ANKRD31: variants seen among roughly 807,000 people sequenced by gnomAD.
ANKRD31 encodes the protein ankyrin repeat domain-containing protein 31.
ANKRD31 carries 147 observed loss-of-function variants against 186.0 expected under a neutral mutation model. That is an observed-to-expected ratio of 0.79 (90% confidence interval 0.69 to 0.91). The LOEUF (loss-of-function observed/expected upper bound fraction) is 0.91, where lower values mean the gene tolerates loss of function less well. Among genes scored for constraint, ANKRD31 ranks in the 40% least tolerant of loss-of-function variants. ANKRD31 has a pLI of 0.00. For missense variants in ANKRD31, 1,986 were observed against 2,148.8 expected, an observed-to-expected ratio of 0.92 and a Z score of 1.50; for synonymous variants, 673 against 736.4, an observed-to-expected ratio of 0.91 and a Z score of 1.39.
intron 11 of ANKRD31, among the ~76,000 whole-genome samples, chr5:75,167,472 T>C (rs1174325101): frequency 6.6e-6 from 1 of 152,232 alleles, no homozygotes; most frequent in Non-Finnish European, 1.5e-5. Context: ...GTTTCAACTT[T>C]TAATTTTCAT....
rs569424586 is a variant in ANKRD31, at chr5:75,105,205, A to G, written c.4354T>C (p.Ser1452Pro). The G allele has an allele frequency of 3.0e-5, 45 of 1,517,450 alleles. 1 individual carries two copies. In the African/African-American group the frequency reaches 3.6e-4, roughly 12 times the overall value. 94.0% of individuals were successfully genotyped at this position (1,517,450 alleles called of 1,614,324 possible). A position where few individuals can be genotyped will look rare whatever the true frequency, so the allele number is the denominator to read the frequency against. Residue 1452 changes from serine to proline, a missense_variant, in exon 22 of 26, where the codon TCA (serine) becomes CCA (proline). Transcript: ENST00000506364. ...TCTCTCAGGGCTCCATGCTTAAATGACTCTATGGATACCCTATAGGAAGAA... is the reference window on the plus strand; with the variant it reads ...TCTCTCAGGGCTCCATGCTTAAATGGCTCTATGGATACCCTATAGGAAGAA... Reference protein sequence around the residue: ...LAKKYRVSIESFKHGALREQL... With the variant: ...LAKKYRVSIEPFKHGALREQL...
Position 75,104,603 on chromosome 5 carries a change from G to A in ANKRD31, c.4956C>T (p.Ala1652=), listed in dbSNP as rs932106643. The change falls in exon 22 of 26, where the codon GCC becomes GCT. Residue 1652 remains alanine (A), a synonymous_variant. Coordinates refer to ENST00000506364, the MANE Select transcript of ANKRD31 (RefSeq NM_001372053.1). ...LNISETASVL[A]ENAAHPSNII... is the part of the protein sequence containing the mutation. ...TATTTGATGGATGGGCAGCATTTTC[G>A]GCAAGGACACTTGCAGTTTCTGAAA... 5.9e-6 allele frequency: 9 copies of A among 1,536,192 alleles called. No homozygotes were observed. The Admixed American group carries it at 9.8e-5, about 17-fold the overall frequency.
At chr5:75,140,588 A>G (rs1251620246) in intron 15 of ANKRD31, among the ~76,000 whole-genome samples, 5 of 152,172 alleles carry the variant, frequency 3.3e-5, no homozygotes, top group African/African-American at 1.2e-4. Flanking sequence ...CTTGCTTCTA[A>G]CCAATAGAAT....
At chr5:75,163,555 C>T (rs919810604) in intron 11 of ANKRD31, among the ~76,000 whole-genome samples, 1 of 152,180 alleles carries the variant, frequency 6.6e-6, no homozygotes, top group Non-Finnish European at 1.5e-5. Context: ...GTGTTGACTG[C>T]AATCATCATA....
intron 3 of ANKRD31, 109 bp from the exon 4 acceptor site, chr5:75,210,974 T>C (rs530249874): frequency 5.6e-6 from 4 of 712,386 alleles, no homozygotes; most frequent in Middle Eastern, 3.8e-4. Context: ...TCTTAGCTTC[T>C]TTTTATGGTG....
intron 22 of ANKRD31, among the ~76,000 whole-genome samples, chr5:75,101,025 T>C (rs906000130): frequency 5.3e-5 from 8 of 152,230 alleles, no homozygotes; most frequent in Admixed American, 3.9e-4. Context: ...GCATCGACGG[T>C]CTTTACAGTT....
intron 23 of ANKRD31, among the ~76,000 whole-genome samples, chr5:75,088,517 T>C (rs976444900): frequency 1.3e-5 from 2 of 152,258 alleles, no homozygotes; most frequent in Non-Finnish European, 2.9e-5. Flanking sequence ...GCATTTTTCC[T>C]GTGGAAGTGG....
chr5:75,201,928 T>C (rs183831173), intron 5 of ANKRD31, among the ~76,000 whole-genome samples: 34 of 152,326 alleles, frequency 2.2e-4, no homozygotes, highest in African/African-American at 8.2e-4. Flanking sequence ...TCCTTTCTAT[T>C]GATTCCAGGT....
At chr5:75,216,805 T>C (rs1018109938) in intron 3 of ANKRD31, among the ~76,000 whole-genome samples, 2 of 151,406 alleles carry the variant, frequency 1.3e-5, no homozygotes, top group East Asian at 1.9e-4. Context: ...CTTTTCCCCA[T>C]GACATTTACT....
intron 10 of ANKRD31, among the ~76,000 whole-genome samples, chr5:75,180,383 C>G (rs914210498): frequency 6.6e-6 from 1 of 152,108 alleles, no homozygotes; most frequent in Non-Finnish European, 1.5e-5. Flanking sequence ...GAAAAAACTA[C>G]TTTAAAGTTC....
chr5:75,186,081 G>A (rs10039054), intron 10 of ANKRD31, among the ~76,000 whole-genome samples: 33,290 of 151,910 alleles, frequency 0.22, 3,812 homozygotes, highest in South Asian at 0.4. Flanking sequence ...GAAATCAAAT[G>A]TAACAGAGAA....
At chr5:75,207,696 T>C (rs1030692946) in intron 4 of ANKRD31, among the ~76,000 whole-genome samples, 1 of 152,086 alleles carries the variant, frequency 6.6e-6, no homozygotes, top group African/African-American at 2.4e-5. Flanking sequence ...GTAGAAAGTA[T>C]GAACAAAAAC....
chr5:75,120,077 G>C (rs1748633712), intron 17 of ANKRD31, among the ~76,000 whole-genome samples: 2 of 146,394 alleles, frequency 1.4e-5, no homozygotes, highest in Non-Finnish European at 3.1e-5. Flanking sequence ...ATTGACCAAT[G>C]TAAAGAATCG....
intron 20 of ANKRD31, among the ~76,000 whole-genome samples, chr5:75,110,080 A>T (rs1747647117): frequency 6.6e-6 from 1 of 152,184 alleles, no homozygotes; most frequent in African/African-American, 2.4e-5. Flanking sequence ...AAGGGCAGTA[A>T]GACAAAAATA....
intron 2 of ANKRD31, among the ~76,000 whole-genome samples, chr5:75,228,345 G>A (rs947915391): frequency 3.9e-5 from 6 of 152,000 alleles, no homozygotes; most frequent in Non-Finnish European, 5.9e-5. Flanking sequence ...TTCATTTATC[G>A]TTGCAAAACC....
chr5:75,197,853 A>C (rs1755571401), intron 6 of ANKRD31, among the ~76,000 whole-genome samples: 1 of 152,230 alleles, frequency 6.6e-6, no homozygotes, highest in Admixed American at 6.5e-5. Flanking sequence ...TATATCAAGC[A>C]GTTGCATTTA....
At chr5:75,181,938 A>T (rs955519449) in intron 10 of ANKRD31, among the ~76,000 whole-genome samples, 114 of 152,088 alleles carry the variant, frequency 7.5e-4, no homozygotes, top group African/African-American at 2.6e-3. Flanking sequence ...ACTCAAAAAA[A>T]ATAAAAAATA....
chr5:75,088,894 CT>C (rs538662572), intron 23 of ANKRD31, among the ~76,000 whole-genome samples: 8 of 152,264 alleles, frequency 5.3e-5, no homozygotes, highest in African/African-American at 1.9e-4. Flanking sequence ...TAGATATCAC[CT>C]AGCACTACTT....
rs1171882707 is a variant in ANKRD31 at position 75,146,978 on chromosome 5, C to T, written c.2433G>A (p.Gln811=). Residue 811 remains glutamine, a synonymous_variant, in exon 14 of 26, where the codon CAG becomes CAA. Coordinates refer to ENST00000506364, the MANE Select transcript of ANKRD31 (RefSeq NM_001372053.1). ...CTTGACTATCTGATAAATCCAGGTT[C>T]TGGATGTGTTTCTCTTTGGAAACTG... The part of the protein sequence containing the change: ...ACSVSKEKHI[Q]NLDLSDSQEV... 1 of 1,536,302 alleles carries T rather than the reference C, an allele frequency of 6.5e-7. No individual in the cohort carries two copies. The highest frequency in any genetic ancestry group is 8.7e-7 in the Non-Finnish European group (1 of 1,146,296).
Sources: gnomAD v4.1 joint callset for allele counts (sites outside exome capture counted in the v4.1 genomes callset) on GRCh38, gnomAD v4.1.1 for gene constraint, MANE v1.5 for transcripts, NCBI Gene and HGNC (gene_info 2026-07-23, HGNC 2026-07-21) for gene names.